Variants in ZNF462 observed in about 807,000 individuals in gnomAD.
ZNF462 encodes zinc finger PBX1-interacting protein.
A neutral mutation model predicts 201.9 loss-of-function variants in ZNF462; 10 were observed. That is an observed-to-expected ratio of 0.05 (90% confidence interval 0.03 to 0.08). The LOEUF (loss-of-function observed/expected upper bound fraction) is 0.08. ZNF462 is among the 10% of genes least tolerant of loss of function. ZNF462 has a pLI of 1.00. For missense variants in ZNF462, 2,523 were observed against 3,168.3 expected (o/e 0.80, Z 4.89); for synonymous variants, 1,227 against 1,193.3 (o/e 1.03, Z -0.58).
At chr9:106,901,896 T>C (rs1829079562) in intron 1 of ZNF462, among the ~76,000 whole-genome samples, 1 of 152,174 alleles carries the variant, frequency 6.6e-6, no homozygotes, top group African/African-American at 2.4e-5. Flanking sequence ...CTTTACCGAT[T>C]TGGATGCCTT....
chr9:106,971,875 C>T, intron 7 of ZNF462, 130 bp from the exon 8 acceptor site: 2 of 1,157,000 alleles, frequency 1.7e-6, no homozygotes, highest in Non-Finnish European at 1.2e-6. Flanking sequence ...TAAGTATAAA[C>T]AATTTCCGTT....
At chr9:106,910,890 A>T (rs1410863671) in intron 1 of ZNF462, among the ~76,000 whole-genome samples, 1 of 152,182 alleles carries the variant, frequency 6.6e-6, no homozygotes, top group Non-Finnish European at 1.5e-5. Context: ...ATATAGCTTT[A>T]GGGCAACAAT....
intron 10 of ZNF462, among the ~76,000 whole-genome samples, chr9:106,992,950 A>T (rs777627995): frequency 4.9e-4 from 75 of 152,256 alleles, no homozygotes; most frequent in South Asian, 1.0e-3. Context: ...GAGAACAGTT[A>T]TATCAACAAG....
Position 106,905,878 on chromosome 9 carries a change from G to A in ZNF462, c.-30-17476G>A, listed in dbSNP as rs939876013. ...TCCACACCTGTGTAGTCTGCACGCC[G>A]GATTTATGCCCTCCCCGGAGTTCTG... On this transcript the variant is annotated intron_variant, in intron 1 of 12. Coordinates refer to ENST00000277225, the MANE Select transcript of ZNF462 (RefSeq NM_021224.6). This position sits in a 1 kb window ranked among gnomAD's most constrained non-coding sequence, Gnocchi z 5.9. Among the ~76,000 whole-genome samples the A allele has an allele frequency of 2.6e-5, 4 of 152,030 alleles. No individual in the cohort carries two copies. The highest frequency in any genetic ancestry group is 5.9e-5 in the Non-Finnish European group (4 of 68,000).
At position 106,926,185 on chromosome 9, in the gene ZNF462, A is replaced by T. The variant is rs560817383; in HGVS notation, c.2273A>T (p.Gln758Leu). Residue 758 changes from glutamine to leucine, a missense_variant, in exon 3 of 13, where the codon CAA becomes CTA. Transcript: ENST00000277225. The surrounding 1 kb of genome is among the most constrained non-coding windows in gnomAD (Gnocchi z 7.9). ...IIEVPTSFSA[Q>L]QIWVRDTSEP... ...GAGGTTCCCACTTCCTTTTCTGCCCAACAGATATGGGTAAGAGATACCAGT... is the reference window on the plus strand; with the variant it reads ...GAGGTTCCCACTTCCTTTTCTGCCCTACAGATATGGGTAAGAGATACCAGT... 28 of 1,614,218 alleles carry T rather than the reference A, an allele frequency of 1.7e-5. 1 individual carries two copies. In the South Asian group the frequency reaches 3.1e-4, roughly 18 times the overall value.
chr9:106,945,153 C>T (rs1325825599), intron 7 of ZNF462, among the ~76,000 whole-genome samples: 1 of 152,106 alleles, frequency 6.6e-6, no homozygotes, highest in Non-Finnish European at 1.5e-5. Flanking sequence ...TCCTAGATGT[C>T]ACTTAAAAAT....
Position 106,924,973 on chromosome 9 carries a change from C to G in ZNF462, c.1061C>G (p.Ser354Cys). The G allele has an allele frequency of 1.2e-6, 2 of 1,614,206 alleles. No homozygotes were observed. Among genetic ancestry groups the G allele is most frequent in the Non-Finnish European group, 1.7e-6 (2 of 1,180,030 alleles). Reference protein sequence around the residue: ...PQMKPKSPHNSGLVNLTERSR... With the variant: ...PQMKPKSPHNCGLVNLTERSR... ...ATGAAGCCGAAGTCACCTCACAATT[C>G]TGGTCTAGTTAACTTGACAGAGAGA... Residue 354 changes from serine (S) to cysteine (C), a missense_variant, in exon 3 of 13, where the codon TCT becomes TGT. By Grantham distance (112) the Ser-to-Cys change is moderately radical (BLOSUM62 -1). This residue lies in a region of ZNF462 where 480 missense variants were observed against 544.4 expected (regional missense o/e 0.88). Coordinates refer to ENST00000277225, the MANE Select transcript of ZNF462 (RefSeq NM_021224.6). This position sits in a 1 kb window ranked among gnomAD's most constrained non-coding sequence, Gnocchi z 6.2.
chr9:106,888,142 C>T (rs1006171040), intron 1 of ZNF462, among the ~76,000 whole-genome samples: 5 of 151,808 alleles, frequency 3.3e-5, no homozygotes, highest in South Asian at 2.1e-4. Context: ...CCCGGGTTCA[C>T]GCCGTTCTCC....
intron 10 of ZNF462, among the ~76,000 whole-genome samples, chr9:106,991,205 C>A: frequency 6.6e-6 from 1 of 151,818 alleles, no homozygotes; most frequent in Non-Finnish European, 1.5e-5. Flanking sequence ...ATGAGCTTAG[C>A]AAGATTGCAA....
At position 106,968,504 on chromosome 9, in the gene ZNF462, G is replaced by T. The variant is rs148844292; in HGVS notation, c.6428-3501G>T. ...CATATAATTAAAGTCACAAGTCAGA[G>T]AATAAAACTCTTTTCTCAGACTGTA... On this transcript the variant is annotated intron_variant, in intron 7 of 12. Transcript: ENST00000277225. The surrounding 1 kb of genome is among the most constrained non-coding windows in gnomAD (Gnocchi z 4.0). 6.6e-6 allele frequency among the ~76,000 whole-genome samples: 1 copy of T among 152,248 alleles called. No homozygotes were observed. Among genetic ancestry groups the T allele is most frequent in the East Asian group, 1.9e-4 (1 of 5,182 alleles).
At chr9:106,912,613 A>G (rs1829598484) in intron 1 of ZNF462, among the ~76,000 whole-genome samples, 1 of 152,214 alleles carries the variant, frequency 6.6e-6, no homozygotes, top group African/African-American at 2.4e-5. Context: ...TATGAAATTC[A>G]AAAGATTTTT....
At position 106,924,555 on chromosome 9, in the gene ZNF462, C is replaced by A. The variant is rs1830112742; in HGVS notation, c.643C>A (p.Pro215Thr). The stretch of plus-strand genomic sequence containing the variant: ...GGTTCCGCCCGTATCACTGCAGGAC[C>A]CCTGCAAGGAACTGCCAGCAGAGGT... ...PVVPPVSLQD[P>T]CKELPAEVVE... Residue 215 changes from proline (P) to threonine (T), a missense_variant, in exon 3 of 13, where the codon CCC (proline) becomes ACC (threonine). By Grantham distance (38) the Pro-to-Thr change is conservative. This residue lies in a region of ZNF462 where 480 missense variants were observed against 544.4 expected (regional missense o/e 0.88). Transcript: ENST00000277225. This position sits in a 1 kb window ranked among gnomAD's most constrained non-coding sequence, Gnocchi z 6.2. 3.1e-6 allele frequency: 5 copies of A among 1,614,026 alleles called. No homozygotes were observed. Among genetic ancestry groups the A allele is most frequent in the Admixed American group, 1.7e-5 (1 of 59,994 alleles).
At position 106,928,382 on chromosome 9, in the gene ZNF462, G is replaced by A. The variant is rs1316964783; in HGVS notation, c.4470G>A (p.Gly1490=). ...NNLHGLLTHY[G]KKHPGMKVKA... is the part of the protein sequence containing the mutation. ...TGCACGGCCTTCTCACTCATTATGG[G>A]AAGAAGCACCCTGGCATGAAAGTGA... Residue 1490 remains glycine, a synonymous_variant, in exon 3 of 13, where the codon GGG becomes GGA. Transcript: ENST00000277225. This position sits in a 1 kb window ranked among gnomAD's most constrained non-coding sequence, Gnocchi z 9.3. 1 of 1,614,104 alleles carries A rather than the reference G, an allele frequency of 6.2e-7. No individual in the cohort carries two copies. The highest frequency in any genetic ancestry group is 1.3e-5 in the African/African-American group (1 of 75,008).
At chr9:106,879,433 C>G (rs1244210399) in intron 1 of ZNF462, among the ~76,000 whole-genome samples, 2 of 148,388 alleles carry the variant, frequency 1.3e-5, no homozygotes, top group Non-Finnish European at 3.0e-5. Context: ...AAAACTTCAG[C>G]TGATTTTTCT....
In ZNF462 at chr9:106,938,782, G is replaced by C; in HGVS notation, c.6236-134G>C. ...TTGTGGCAGGTTGTTGGTCTGTGAG[G>C]TTCGTTCATAGAACATGAAGCTTGA... is the stretch of plus-strand genomic sequence containing the variant. On this transcript the variant is annotated intron_variant, in intron 6 of 12. Transcript: ENST00000277225. This position sits in a 1 kb window ranked among gnomAD's most constrained non-coding sequence, Gnocchi z 4.4. The C allele has an allele frequency of 1.1e-6, 1 of 897,094 alleles. No homozygotes were observed. The allele number at this position is 897,094 out of a possible 1,614,324, so 55.6% of individuals were successfully genotyped here.
rs760791725 is a variant in ZNF462 at position 106,928,905 on chromosome 9, T to C, written c.4993T>C (p.Cys1665Arg). Reference sequence around the variant, plus strand: ...CCACACTGTGTTCCGGTGCCAGCTCTGCAAGTACTTCTGCTCCACGAGGAA... The same window carrying C: ...CCACACTGTGTTCCGGTGCCAGCTCCGCAAGTACTTCTGCTCCACGAGGAA... ...VSHTVFRCQL[C>R]KYFCSTRKGI... The change falls in exon 3 of 13, where the codon TGC (cysteine) becomes CGC (arginine). Residue 1665 changes from cysteine (C) to arginine (R), a missense_variant. Physicochemically the swap from Cys to Arg is radical, Grantham distance 180. Around this residue, in one of 15 missense-constraint regions of ZNF462, gnomAD observed 200 missense variants for 281.3 expected, o/e 0.71. Coordinates refer to ENST00000277225, the MANE Select transcript of ZNF462 (RefSeq NM_021224.6). The surrounding 1 kb of genome is among the most constrained non-coding windows in gnomAD (Gnocchi z 9.3). 1 of 1,614,068 alleles carries C rather than the reference T, an allele frequency of 6.2e-7. No homozygotes were observed. The highest frequency in any genetic ancestry group is 1.1e-5 in the South Asian group (1 of 91,068).
chr9:106,975,979 T>C (rs1328189150), intron 9 of ZNF462: 2 of 152,226 alleles, frequency 1.3e-5, no homozygotes, highest in African/African-American at 4.8e-5. Flanking sequence ...TATTACTCTA[T>C]TCCCGTTGTA....
chr9:106,893,429 C>T (rs1828676119), intron 1 of ZNF462, among the ~76,000 whole-genome samples: 1 of 152,198 alleles, frequency 6.6e-6, no homozygotes, highest in Admixed American at 6.5e-5. Flanking sequence ...TCCTTGGAGT[C>T]AGTTGCTGAG....
intron 1 of ZNF462, among the ~76,000 whole-genome samples, chr9:106,906,017 G>T (rs767926868): frequency 6.6e-6 from 1 of 152,190 alleles, no homozygotes; most frequent in Non-Finnish European, 1.5e-5. Context: ...GGATCCCTGT[G>T]ATGCCAGGCA....
Sources: allele counts gnomAD v4.1 joint callset (sites outside exome capture counted in the v4.1 genomes callset), GRCh38; gene constraint gnomAD v4.1.1; regional missense constraint gnomAD v4.1.1; non-coding constraint Gnocchi (gnomAD v3.1); transcripts MANE v1.5; gene names NCBI Gene and HGNC (gene_info 2026-07-23, HGNC 2026-07-21).